DHX8: variants seen among roughly 807,000 people sequenced by gnomAD.
The protein encoded by DHX8 is DEAH-box helicase 8.
DHX8 carries 67 observed loss-of-function variants against 140.7 expected under a neutral mutation model. That is an observed-to-expected ratio of 0.48 (90% CI 0.39 to 0.58). The LOEUF is 0.58. Ranked by LOEUF, DHX8 falls within the 20% of genes least tolerant of loss-of-function variation. DHX8 has a pLI of 0.00. For synonymous variants in DHX8, 533 were observed against 553.2 expected (o/e 0.96, Z 0.51); for missense variants, 887 against 1,550.7 (o/e 0.57, Z 7.19).
At chr17:43,497,056 A>G (rs1255487913) in intron 9 of DHX8, among the ~76,000 whole-genome samples, 2 of 152,142 alleles carry the variant, frequency 1.3e-5, no homozygotes, top group Non-Finnish European at 2.9e-5. Context: ...TGAAGCCCCT[A>G]CATGCTCCCC....
At chr17:43,491,485 T>G (rs1271770352) in intron 4 of DHX8, among the ~76,000 whole-genome samples, 1 of 152,164 alleles carries the variant, frequency 6.6e-6, no homozygotes, top group Non-Finnish European at 1.5e-5. Flanking sequence ...ATTAGGAATA[T>G]GAAATAAGGT....
At chr17:43,501,408 A>G (rs191639528) in intron 11 of DHX8, among the ~76,000 whole-genome samples, 128 of 152,328 alleles carry the variant, frequency 8.4e-4, no homozygotes, top group African/African-American at 2.9e-3. Flanking sequence ...ACATCAGGCC[A>G]GGGCTTTGTA....
intron 12 of DHX8, among the ~76,000 whole-genome samples, 154 bp downstream of exon 12, chr17:43,504,979 C>CT (rs1416234806): frequency 4.6e-5 from 7 of 151,656 alleles, no homozygotes; most frequent in African/African-American, 1.2e-4. Context: ...TTTCTAAATA[C>CT]TTTTTTTTTA....
At chr17:43,511,678 G>A (rs981793137) in intron 16 of DHX8, among the ~76,000 whole-genome samples, 2 of 150,102 alleles carry the variant, frequency 1.3e-5, no homozygotes, top group African/African-American at 2.5e-5. Flanking sequence ...GGCTGGTCTC[G>A]AACTCCTGAT....
intron 11 of DHX8, among the ~76,000 whole-genome samples, chr17:43,501,274 G>A (rs543936607): frequency 6.6e-6 from 1 of 152,248 alleles, no homozygotes; most frequent in African/African-American, 2.4e-5. Flanking sequence ...GGAGGTTGGG[G>A]AGTATGTTCC....
At chr17:43,526,438 G>C, downstream of DHX8, 1 of 1,533,226 alleles carries the variant, frequency 6.5e-7, no homozygotes, top group South Asian at 1.2e-5. Flanking sequence ...AGGCTCCTCG[G>C]TCCAGGTTTA....
chr17:43,533,439 A>T (rs1185725863), intron 2 of DHX8: 26 of 1,260,862 alleles, frequency 2.1e-5, no homozygotes, highest in Non-Finnish European at 2.8e-5. Flanking sequence ...GGTCACAGGG[A>T]TTACAGGAGA....
At chr17:43,512,785 G>A (rs1261529011) in intron 16 of DHX8, among the ~76,000 whole-genome samples, 2 of 152,184 alleles carry the variant, frequency 1.3e-5, no homozygotes, top group African/African-American at 4.8e-5. Context: ...ACAGTGCCAA[G>A]CTGAGACTAA....
chr17:43,540,286 CTACTAAAAA>C (rs1971456503), intron 3 of DHX8, among the ~76,000 whole-genome samples: 1 of 152,108 alleles, frequency 6.6e-6, no homozygotes, highest in African/African-American at 2.4e-5. Context: ...AACCCCATCT[CTACTAAAAA>C]TACAAAAATT....
At chr17:43,519,064 A>G (rs1970250472) in intron 18 of DHX8, 1 of 152,210 alleles carries the variant, frequency 6.6e-6, no homozygotes, top group African/African-American at 2.4e-5. Flanking sequence ...TGCTGTGAAC[A>G]TTAGTGTGCA....
rs1968636962 is a variant in DHX8 at position 43,493,132 on chromosome 17, A to G, written c.863+92A>G. 3.3e-6 allele frequency: 5 copies of G among 1,504,922 alleles called. No homozygotes were observed. The Admixed American group carries it at 8.2e-5, about 25-fold the overall frequency. 93.2% of individuals were successfully genotyped at this position (1,504,922 alleles called of 1,614,324 possible). A position where few individuals can be genotyped will look rare whatever the true frequency, so the allele number is the denominator to read the frequency against. ...CACATTCTAAAAAGTTACTTTGATT[A>G]ATGACACTTTAGTCAAATCAGCCAT... On this transcript the variant is annotated intron_variant, in intron 6 of 22. Transcript: ENST00000262415.
rs576047489 is a variant in DHX8, at chr17:43,491,690, T to C, written c.393+440T>C. Reference sequence around the variant, plus strand: ...AACAGAACAGACAAGAGTTTCAGCCTTTGGAGATTATATCCTAATTTTGGG... The same window carrying C: ...AACAGAACAGACAAGAGTTTCAGCCCTTGGAGATTATATCCTAATTTTGGG... On this transcript the variant is annotated intron_variant, in intron 4 of 22. Transcript: ENST00000262415. 1.3e-4 allele frequency among the ~76,000 whole-genome samples: 20 copies of C among 152,296 alleles called. No homozygotes were observed. The South Asian group carries it at 4.1e-3, about 32-fold the overall frequency.
intron 8 of DHX8, among the ~76,000 whole-genome samples, chr17:43,495,254 A>G (rs1251288859): frequency 6.6e-6 from 1 of 152,172 alleles, no homozygotes; most frequent in African/African-American, 2.4e-5. Context: ...GATCTAAACA[A>G]ATAATTGTGA....
In DHX8 at chr17:43,492,936, T is replaced by G. The variant is rs1401412339; in HGVS notation, c.759T>G (p.His253Gln). The G allele has an allele frequency of 6.2e-7, 1 of 1,614,042 alleles. No homozygotes were observed. The highest frequency in any genetic ancestry group is 8.5e-7 in the Non-Finnish European group (1 of 1,180,032). Reference protein sequence around the residue: ...ERNLDRWRDKHVDRPPPEEPT... With the variant: ...ERNLDRWRDKQVDRPPPEEPT... Reference sequence around the variant, plus strand: ...ATCTGGATAGATGGCGGGATAAGCATGTGGACCGCCCTCCTCCAGAAGAGC... The same window carrying G: ...ATCTGGATAGATGGCGGGATAAGCAGGTGGACCGCCCTCCTCCAGAAGAGC... The change falls in exon 6 of 23, where the codon CAT (histidine) becomes CAG (glutamine). Residue 253 changes from histidine (H) to glutamine (Q), a missense_variant. Transcript: ENST00000262415.
At chr17:43,506,322 CA>C (rs202188668) in intron 12 of DHX8, among the ~76,000 whole-genome samples, 4 of 146,754 alleles carry the variant, frequency 2.7e-5, no homozygotes, top group African/African-American at 5.0e-5. Flanking sequence ...AACAAACAAA[CA>C]AAAAAAATTG....
chr17:43,526,378 ATATG>A, downstream of DHX8: 1 of 1,490,260 alleles, frequency 6.7e-7, no homozygotes, highest in Non-Finnish European at 8.9e-7. Flanking sequence ...CTGTTTGTGT[ATATG>A]GCAGGACCGT....
chr17:43,502,302 C>T (rs1196250318), intron 11 of DHX8, among the ~76,000 whole-genome samples: 2 of 152,204 alleles, frequency 1.3e-5, no homozygotes, highest in Admixed American at 6.5e-5. Flanking sequence ...CCTGTAATCC[C>T]AACACTTTGG....
At chr17:43,493,073 G>A in intron 6 of DHX8, 33 bp downstream of exon 6, 1 of 1,584,488 alleles carries the variant, frequency 6.3e-7, no homozygotes, top group Middle Eastern at 1.7e-4. Flanking sequence ...TCACACCAGT[G>A]ATGGGCAGAA....
At chr17:43,495,957 G>A (rs1968833836) in intron 8 of DHX8, among the ~76,000 whole-genome samples, 2 of 152,120 alleles carry the variant, frequency 1.3e-5, no homozygotes, top group South Asian at 4.2e-4. Flanking sequence ...AATTAGCCAG[G>A]TATTATGGTG....
Sources: allele counts gnomAD v4.1 joint callset (sites outside exome capture counted in the v4.1 genomes callset), GRCh38; gene constraint gnomAD v4.1.1; transcripts MANE v1.5; gene names NCBI Gene and HGNC (gene_info 2026-07-23, HGNC 2026-07-21).